Variants in CCSER1 observed in about 807,000 individuals in gnomAD.
CCSER1 encodes coiled-coil serine rich protein 1.
Under a neutral mutation model 82.0 loss-of-function variants are expected in CCSER1, and 41 were observed. That is an observed-to-expected ratio of 0.50 (90% CI 0.39 to 0.65). CCSER1 has a LOEUF of 0.65. CCSER1 is among the 30% of genes least tolerant of loss of function. CCSER1 has a pLI of 0.00. For synonymous variants in CCSER1, 414 were observed against 383.9 expected, an observed-to-expected ratio of 1.08 and a Z score of -0.92; for missense variants, 1,119 against 1,064.2, an observed-to-expected ratio of 1.05 and a Z score of -0.72.
At position 90,564,719 on chromosome 4, in the gene CCSER1, T is replaced by C. The variant is rs1184844071; in HGVS notation, c.1725-63306T>C. On this transcript the variant is annotated intron_variant, in intron 5 of 10. Transcript: ENST00000509176. ...TTTTTAATATGGTGTGAGATAAGAG[T>C]CTAATTCATTCTTCTTCATGTGGAT... Among the ~76,000 whole-genome samples, 6 of 151,296 alleles carry C rather than the reference T, an allele frequency of 4.0e-5. No individual in the cohort carries two copies. In the South Asian group the frequency reaches 6.3e-4, roughly 16 times the overall value.
intron 10 of CCSER1, among the ~76,000 whole-genome samples, chr4:91,116,909 T>G (rs1726667940): frequency 6.6e-6 from 1 of 152,184 alleles, no homozygotes; most frequent in Admixed American, 6.5e-5. Context: ...GACTGGTGAT[T>G]TTTTAAATGT....
intron 10 of CCSER1, among the ~76,000 whole-genome samples, chr4:91,224,974 A>G (rs1361113097): frequency 6.6e-6 from 1 of 151,358 alleles, no homozygotes; most frequent in Non-Finnish European, 1.5e-5. Context: ...TTGAATTCCA[A>G]TTTAACAAGA....
At chr4:90,889,605 C>A (rs1426248540) in intron 8 of CCSER1, among the ~76,000 whole-genome samples, 2 of 151,858 alleles carry the variant, frequency 1.3e-5, no homozygotes, top group Non-Finnish European at 2.9e-5. Flanking sequence ...TTGACAGTAA[C>A]CAAGATGCAG....
intron 5 of CCSER1, among the ~76,000 whole-genome samples, chr4:90,617,746 A>G (rs1721555439): frequency 5.3e-5 from 8 of 152,118 alleles, no homozygotes; most frequent in Admixed American, 4.6e-4. Context: ...GCTACTTTAA[A>G]CTGAATCGTT....
At chr4:91,149,764 G>T (rs1030450723) in intron 10 of CCSER1, among the ~76,000 whole-genome samples, 1 of 152,156 alleles carries the variant, frequency 6.6e-6, no homozygotes, top group African/African-American at 2.4e-5. Context: ...GTTTTTGTCA[G>T]ATTTGTCAAA....
At chr4:90,254,167 A>T (rs530899514) in intron 1 of CCSER1, among the ~76,000 whole-genome samples, 4 of 152,140 alleles carry the variant, frequency 2.6e-5, no homozygotes, top group Admixed American at 6.6e-5. Flanking sequence ...TTTGTTCTTT[A>T]CAACAGTGTC....
chr4:90,497,728 A>G (rs1769254331), intron 5 of CCSER1, among the ~76,000 whole-genome samples: 3 of 152,194 alleles, frequency 2.0e-5, no homozygotes, highest in East Asian at 1.9e-4. Context: ...TGCATAACAA[A>G]CAGCTACACA....
intron 9 of CCSER1, among the ~76,000 whole-genome samples, chr4:90,965,263 A>G (rs1268299373): frequency 6.6e-6 from 1 of 152,092 alleles, no homozygotes; most frequent in Non-Finnish European, 1.5e-5. Flanking sequence ...GGGAGATGAT[A>G]TGTCTACAGA....
At chr4:90,326,558 C>T (rs1013501339) in intron 3 of CCSER1, among the ~76,000 whole-genome samples, 1 of 152,070 alleles carries the variant, frequency 6.6e-6, no homozygotes, top group Non-Finnish European at 1.5e-5. Context: ...TTTTAAATCT[C>T]TCTGTTAGGC....
chr4:90,911,870 C>T (rs1422637618), intron 8 of CCSER1, among the ~76,000 whole-genome samples: 2 of 152,192 alleles, frequency 1.3e-5, no homozygotes, highest in African/African-American at 4.8e-5. Context: ...ACCCATAGAG[C>T]CTCGCTCATT....
At chr4:90,315,253 C>G (rs1452835432) in intron 3 of CCSER1, among the ~76,000 whole-genome samples, 1 of 152,166 alleles carries the variant, frequency 6.6e-6, no homozygotes, top group African/African-American at 2.4e-5. Context: ...GTATTATAGT[C>G]TGTCCACTAG....
At chr4:91,476,169 G>T (rs530235375) in intron 10 of CCSER1, among the ~76,000 whole-genome samples, 1 of 151,800 alleles carries the variant, frequency 6.6e-6, no homozygotes, top group East Asian at 1.9e-4. Context: ...AGTGGGATGG[G>T]TAGATTATAT....
chr4:90,309,664 A>T (rs1734958610), intron 2 of CCSER1, 56 bp downstream of exon 2: 1 of 1,340,294 alleles, frequency 7.5e-7, no homozygotes, highest in Non-Finnish European at 1.0e-6. Context: ...ATTATACTTT[A>T]TTCAGTTTTC....
At chr4:90,917,957 G>A (rs1008141978) in intron 8 of CCSER1, among the ~76,000 whole-genome samples, 1 of 151,756 alleles carries the variant, frequency 6.6e-6, no homozygotes, top group Admixed American at 6.6e-5. Context: ...TCATGACTTA[G>A]GATCTAAATT....
intron 8 of CCSER1, among the ~76,000 whole-genome samples, chr4:90,904,665 G>A (rs1398946598): frequency 6.6e-6 from 1 of 152,010 alleles, no homozygotes; most frequent in African/African-American, 2.4e-5. Context: ...GGAGCAATAA[G>A]GGGGGGCCTG....
Position 90,379,725 on chromosome 4 carries a change from TG to T in CCSER1, c.1510-20308del, listed in dbSNP as rs550531915. On this transcript the variant is annotated intron_variant, in intron 3 of 10. Transcript: ENST00000509176. ...GATATATATGATATGGTATAAGAAA[TG>T]GGAGATTGTGTTAGTCTGTTCTCAC... Among the ~76,000 whole-genome samples, 11 of 152,166 alleles carry T rather than the reference TG, an allele frequency of 7.2e-5. No homozygotes were observed. In the South Asian group the frequency reaches 1.9e-3, roughly 26 times the overall value.
chr4:90,614,421 C>T (rs1290945434), intron 5 of CCSER1, among the ~76,000 whole-genome samples: 2 of 152,136 alleles, frequency 1.3e-5, no homozygotes, highest in East Asian at 3.9e-4. Context: ...GTGAGCAAAA[C>T]ATGTCAAAAG....
chr4:90,543,785 G>A (rs1162984732), intron 5 of CCSER1, among the ~76,000 whole-genome samples: 1 of 152,022 alleles, frequency 6.6e-6, no homozygotes, highest in East Asian at 1.9e-4. Context: ...TTTTCAACTG[G>A]CCATTTGCTC....
rs1764731895 is a variant in CCSER1, at chr4:91,599,427, G to A, written c.*370G>A. ...AATAGCAATCTGTTCACTGTTAATG[G>A]TGTTACTATAAAAGTAGACCTGATG... On this transcript the variant is annotated 3_prime_UTR_variant, in exon 11 of 11. Transcript: ENST00000509176. 1 of 157,034 alleles carries A rather than the reference G, an allele frequency of 6.4e-6. No individual in the cohort carries two copies. The highest frequency in any genetic ancestry group is 2.4e-5 in the African/African-American group (1 of 41,512). 9.7% of individuals were successfully genotyped at this position (157,034 alleles called of 1,614,324 possible).
Sources: allele counts gnomAD v4.1 joint callset (sites outside exome capture counted in the v4.1 genomes callset), GRCh38; gene constraint gnomAD v4.1.1; transcripts MANE v1.5; gene names NCBI Gene and HGNC (gene_info 2026-07-23, HGNC 2026-07-21).